ARHGEF26: variants seen among roughly 807,000 people sequenced by gnomAD.
The protein encoded by ARHGEF26 is Rho guanine nucleotide exchange factor 26.
In ARHGEF26, 59 loss-of-function variants were observed where a neutral mutation model predicts 89.4. The observed-to-expected ratio is 0.66, with a 90% CI of 0.54 to 0.82. ARHGEF26 has a LOEUF of 0.82. Ranked by LOEUF, ARHGEF26 falls within the 40% of genes least tolerant of loss-of-function variation. The pLI, the probability that ARHGEF26 is intolerant of heterozygous loss-of-function variation, is 0.00. For synonymous variants in ARHGEF26, 500 were observed against 428.4 expected (o/e 1.17, Z -2.06); for missense variants, 1,234 against 1,085.6 (o/e 1.14, Z -1.92).
intron 11 of ARHGEF26, among the ~76,000 whole-genome samples, chr3:154,231,694 A>G (rs921758764): frequency 1.3e-5 from 2 of 152,214 alleles, no homozygotes; most frequent in Non-Finnish European, 2.9e-5. Flanking sequence ...TAATTGCTAC[A>G]TAGCTGAAGG....
At chr3:154,141,576 CT>C (rs887105217) in intron 4 of ARHGEF26, among the ~76,000 whole-genome samples, 1 of 152,194 alleles carries the variant, frequency 6.6e-6, no homozygotes, top group Non-Finnish European at 1.5e-5. Context: ...GACTGACTGA[CT>C]TTTGTCTAGT....
At chr3:154,212,784 C>T (rs557132294) in intron 9 of ARHGEF26, among the ~76,000 whole-genome samples, 92 of 152,250 alleles carry the variant, frequency 6.0e-4, no homozygotes, top group Non-Finnish European at 1.2e-3. Flanking sequence ...GGAGGCAGAG[C>T]TCAGCCAGTA....
intron 5 of ARHGEF26, 94 bp from the exon 6 acceptor site, chr3:154,152,678 A>G: frequency 1.1e-6 from 1 of 923,146 alleles, no homozygotes; most frequent in Non-Finnish European, 1.5e-6. Context: ...TGAAAAGTGG[A>G]GTATCTTGTT....
intron 6 of ARHGEF26, among the ~76,000 whole-genome samples, chr3:154,182,631 T>C (rs1028908260): frequency 6.6e-6 from 1 of 152,236 alleles, no homozygotes; most frequent in Admixed American, 6.5e-5. Context: ...AAATGATCTT[T>C]TTCTTTGCAG....
intron 10 of ARHGEF26, among the ~76,000 whole-genome samples, chr3:154,219,536 A>G (rs1370824174): frequency 2.6e-5 from 4 of 151,610 alleles, no homozygotes; most frequent in Admixed American, 2.0e-4. Context: ...CAGAGGTTGC[A>G]TTGAGTTGAT....
chr3:154,239,261 GGAGAGAGAGAGAGAGA>G lies in ARHGEF26; in HGVS notation c.2091-1085_2091-1070del, dbSNP rs869046214. On this transcript the variant is annotated intron_variant, in intron 11 of 14. Transcript: ENST00000465093. ...TGATGTAAATGACCGAGAGAGAGAGGGAGAGAGAGAGAGAGAGAGAGAGAGAGAGAGAGAGAGAGTG... is the reference window on the plus strand; with the variant it reads ...TGATGTAAATGACCGAGAGAGAGAGGGAGAGAGAGAGAGAGAGAGAGAGTG... Among the ~76,000 whole-genome samples the G allele has an allele frequency of 5.7e-3, 604 of 105,662 alleles. 8 individuals carry two copies. The highest frequency in any genetic ancestry group is 0.024 in the African/African-American group (584 of 24,428). The allele number at this position is 105,662 out of a possible 152,430, so 69.3% of individuals were successfully genotyped here.
chr3:154,176,924 A>G (rs187456772), intron 6 of ARHGEF26, among the ~76,000 whole-genome samples: 1 of 152,312 alleles, frequency 6.6e-6, no homozygotes, highest in East Asian at 1.9e-4. Context: ...AATTATAGGC[A>G]TACACCTCTG....
chr3:154,254,031 T>C (rs1216270312), intron 13 of ARHGEF26, among the ~76,000 whole-genome samples: 2 of 152,200 alleles, frequency 1.3e-5, no homozygotes, highest in African/African-American at 4.8e-5. Context: ...TTCTCCTGCC[T>C]CAGCCTCCCA....
At chr3:154,159,629 T>G (rs1357571490) in intron 6 of ARHGEF26, among the ~76,000 whole-genome samples, 1 of 152,156 alleles carries the variant, frequency 6.6e-6, no homozygotes, top group East Asian at 1.9e-4. Flanking sequence ...GCACTTGCTT[T>G]AATATTATTT....
At chr3:154,213,241 G>GTGTGTATATA (rs1553747909) in intron 9 of ARHGEF26, among the ~76,000 whole-genome samples, 5 of 145,658 alleles carry the variant, frequency 3.4e-5, no homozygotes, top group South Asian at 2.3e-4. Flanking sequence ...GTGTGTGTGT[G>GTGTGTATATA]TATATATATA....
At chr3:154,129,740 C>T (rs1337501629) in intron 4 of ARHGEF26, 21 bp downstream of exon 4, 1 of 1,593,800 alleles carries the variant, frequency 6.3e-7, no homozygotes, top group Non-Finnish European at 8.6e-7. Flanking sequence ...ATCTTCTTTT[C>T]TATCTGTGGT....
In ARHGEF26 at chr3:154,122,252, A is replaced by T; in HGVS notation, c.260A>T (p.Gln87Leu). Residue 87 changes from glutamine to leucine, a missense_variant, in exon 2 of 15, where the codon CAG becomes CTG. Coordinates refer to ENST00000465093, the MANE Select transcript of ARHGEF26 (RefSeq NM_015595.4). ...AGGAGCCCCCTGCTTCTGGGCGCCCAGCGGAGAGCGGTGGCCAATGGTGGG... is the reference window on the plus strand; with the variant it reads ...AGGAGCCCCCTGCTTCTGGGCGCCCTGCGGAGAGCGGTGGCCAATGGTGGG... ...VHRSPLLLGA[Q>L]RRAVANGGTA... 2.5e-6 allele frequency: 4 copies of T among 1,611,758 alleles called. No individual in the cohort carries two copies. Among genetic ancestry groups the T allele is most frequent in the Non-Finnish European group, 3.4e-6 (4 of 1,179,426 alleles).
chr3:154,217,438 C>T (rs1311634430), intron 9 of ARHGEF26, among the ~76,000 whole-genome samples: 2 of 152,030 alleles, frequency 1.3e-5, no homozygotes, highest in East Asian at 1.9e-4. Context: ...GATATTAGCC[C>T]TTTGTCAGAT....
At chr3:154,128,927 A>G (rs920512018) in intron 3 of ARHGEF26, among the ~76,000 whole-genome samples, 4 of 152,248 alleles carry the variant, frequency 2.6e-5, no homozygotes, top group Middle Eastern at 3.4e-3. Flanking sequence ...TTATTTGCTT[A>G]TTTATTGCAG....
chr3:154,125,159 T>G (rs1165743520), intron 3 of ARHGEF26, among the ~76,000 whole-genome samples: 1 of 152,114 alleles, frequency 6.6e-6, no homozygotes, highest in African/African-American at 2.4e-5. Context: ...TTTGTCATGT[T>G]TTGAAGTGTG....
At chr3:154,189,596 C>T (rs1279522549) in intron 7 of ARHGEF26, among the ~76,000 whole-genome samples, 1 of 152,130 alleles carries the variant, frequency 6.6e-6, no homozygotes, top group Non-Finnish European at 1.5e-5. Context: ...CTCTGCCTCC[C>T]AAAGTGCTGG....
chr3:154,125,140 A>T (rs1254266645), intron 3 of ARHGEF26, among the ~76,000 whole-genome samples: 1 of 152,132 alleles, frequency 6.6e-6, no homozygotes, highest in Non-Finnish European at 1.5e-5. Flanking sequence ...TAGTGAGGGT[A>T]GTTAAATTTT....
chr3:154,229,520 C>T (rs1716706353), intron 11 of ARHGEF26, among the ~76,000 whole-genome samples: 1 of 152,174 alleles, frequency 6.6e-6, no homozygotes, highest in African/African-American at 2.4e-5. Flanking sequence ...GAAGCTTTGA[C>T]TAGAAGTTAT....
intron 12 of ARHGEF26, among the ~76,000 whole-genome samples, chr3:154,242,173 G>A (rs1390522078): frequency 6.6e-6 from 1 of 152,162 alleles, no homozygotes; most frequent in African/African-American, 2.4e-5. Flanking sequence ...GTTCACCAAG[G>A]TAATGAAAAA....
Sources: gnomAD v4.1 joint callset for allele counts (sites outside exome capture counted in the v4.1 genomes callset) on GRCh38, gnomAD v4.1.1 for gene constraint, MANE v1.5 for transcripts, NCBI Gene and HGNC (gene_info 2026-07-23, HGNC 2026-07-21) for gene names.